Variants in MSRB3 observed in about 807,000 individuals in gnomAD.
MSRB3 encodes methionine sulfoxide reductase B3.
Under a neutral mutation model 21.0 loss-of-function variants are expected in MSRB3, and 13 were observed. The observed-to-expected ratio is 0.62, with a 90% CI of 0.40 to 0.98. The LOEUF is 0.98. Among genes scored for constraint, MSRB3 ranks in the 50% least tolerant of loss-of-function variants. MSRB3 has a pLI of 0.00. For missense variants in MSRB3, 199 were observed against 230.3 expected (o/e 0.86, Z 0.88); for synonymous variants, 87 against 88.6 (o/e 0.98, Z 0.10).
intron 5 of MSRB3, among the ~76,000 whole-genome samples, chr12:65,374,933 T>C (rs1437835048): frequency 6.6e-6 from 1 of 151,852 alleles, no homozygotes; most frequent in Non-Finnish European, 1.5e-5. Flanking sequence ...CAATGCAAGC[T>C]CCGCCTCCCA....
chr12:65,431,784 C>T (rs1039816746), intron 5 of MSRB3, among the ~76,000 whole-genome samples: 2 of 152,026 alleles, frequency 1.3e-5, no homozygotes, highest in Non-Finnish European at 2.9e-5. Flanking sequence ...TCTGCATGCA[C>T]AAGTCTTTGT....
chr12:65,359,348 G>A (rs1458553753), intron 4 of MSRB3, among the ~76,000 whole-genome samples: 1 of 151,978 alleles, frequency 6.6e-6, no homozygotes, highest in Admixed American at 6.6e-5. Context: ...CAGTAATTGT[G>A]TCTAGAACTA....
At chr12:65,336,608 G>C (rs750118925) in intron 4 of MSRB3, among the ~76,000 whole-genome samples, 6 of 152,162 alleles carry the variant, frequency 3.9e-5, no homozygotes, top group Non-Finnish European at 8.8e-5. Context: ...AAACATAATA[G>C]GGAAAACTTT....
chr12:65,325,698 G>A lies in MSRB3; in HGVS notation c.77-1128G>A, dbSNP rs140917442. Among the ~76,000 whole-genome samples, 291 of 152,268 alleles carry A rather than the reference G, an allele frequency of 1.9e-3. 1 individual carries two copies. The highest frequency in any genetic ancestry group is 6.5e-3 in the African/African-American group (270 of 41,542). Reference sequence around the variant, plus strand: ...TATATTTCAAAAGAAGTTGCGTTTAGTATTTGGGAAACTAAGCAAGCTTTC... The same window carrying A: ...TATATTTCAAAAGAAGTTGCGTTTAATATTTGGGAAACTAAGCAAGCTTTC... On this transcript the variant is annotated intron_variant, in intron 2 of 6. Transcript: ENST00000308259.
At chr12:65,327,627 T>A (rs1875137471) in intron 3 of MSRB3, among the ~76,000 whole-genome samples, 1 of 152,238 alleles carries the variant, frequency 6.6e-6, no homozygotes, top group South Asian at 2.1e-4. Flanking sequence ...GAGCTTGGCG[T>A]AAGACCGTAG....
At chr12:65,287,554 G>A (rs757452680) in intron 1 of MSRB3, among the ~76,000 whole-genome samples, 59 of 152,166 alleles carry the variant, frequency 3.9e-4, no homozygotes, top group Non-Finnish European at 1.3e-4. Flanking sequence ...TGTAGCTAAG[G>A]AAAGGTAAGG....
intron 4 of MSRB3, among the ~76,000 whole-genome samples, chr12:65,355,900 C>G (rs2136506842): frequency 6.6e-6 from 1 of 152,048 alleles, no homozygotes; most frequent in South Asian, 2.1e-4. Context: ...GGATCTTAAA[C>G]TATAAAGGGC....
At chr12:65,383,330 A>G (rs1879041382) in intron 5 of MSRB3, among the ~76,000 whole-genome samples, 1 of 152,158 alleles carries the variant, frequency 6.6e-6, no homozygotes, top group Admixed American at 6.5e-5. Context: ...GTAGAAATAT[A>G]CTAATGGTAG....
chr12:65,298,941 T>C lies in MSRB3; in HGVS notation c.-51-9588T>C, dbSNP rs1873148326. ...GATTTAGTCAGCTTGCATTACCAGG[T>C]TTTTTCTTTAGATAAAATGGCCCAT... On this transcript the variant is annotated intron_variant, in intron 1 of 6. Transcript: ENST00000308259. Among the ~76,000 whole-genome samples, 2 of 152,288 alleles carry C rather than the reference T, an allele frequency of 1.3e-5. 1 individual carries two copies.
chr12:65,356,725 A>G (rs377199119), intron 4 of MSRB3, among the ~76,000 whole-genome samples: 1 of 152,044 alleles, frequency 6.6e-6, no homozygotes, highest in East Asian at 1.9e-4. Context: ...AGAGAACTTA[A>G]AAGTATAGAT....
chr12:65,322,912 A>AATTTTAGT (rs1368310037), intron 2 of MSRB3, among the ~76,000 whole-genome samples: 1 of 152,108 alleles, frequency 6.6e-6, no homozygotes, highest in East Asian at 1.9e-4. Context: ...GGAGGACTCA[A>AATTTTAGT]ATTTTAGTTT....
intron 5 of MSRB3, among the ~76,000 whole-genome samples, chr12:65,451,286 TC>T (rs1882848129): frequency 6.6e-6 from 1 of 152,162 alleles, no homozygotes; most frequent in South Asian, 2.1e-4. Flanking sequence ...TTTGACTGTC[TC>T]TTCTAATGTT....
intron 5 of MSRB3, among the ~76,000 whole-genome samples, chr12:65,382,986 T>G (rs536668498): frequency 3.9e-5 from 6 of 152,240 alleles, no homozygotes; most frequent in Admixed American, 2.0e-4. Flanking sequence ...AAAGTTTTCT[T>G]TGCAAAATTA....
At chr12:65,374,047 A>C (rs1021473577) in intron 5 of MSRB3, among the ~76,000 whole-genome samples, 4 of 152,224 alleles carry the variant, frequency 2.6e-5, no homozygotes, top group African/African-American at 9.6e-5. Flanking sequence ...GCTTATTAAC[A>C]AATGAGAGAA....
At chr12:65,322,088 C>T (rs944929662) in intron 2 of MSRB3, among the ~76,000 whole-genome samples, 20 of 152,048 alleles carry the variant, frequency 1.3e-4, no homozygotes, top group African/African-American at 4.8e-4. Flanking sequence ...GTTTAGGTAA[C>T]AGATCTAATT....
In MSRB3 at chr12:65,283,126, A is replaced by G. The variant is rs186019296; in HGVS notation, c.-52+4261A>G. Reference sequence around the variant, plus strand: ...AACAGTAATAGCTTAGGGACTGAGAATTTATCAGTTGTTTTCCTATTTCTC... The same window carrying G: ...AACAGTAATAGCTTAGGGACTGAGAGTTTATCAGTTGTTTTCCTATTTCTC... On this transcript the variant is annotated intron_variant, in intron 1 of 6. Transcript: ENST00000308259. 8.5e-5 allele frequency among the ~76,000 whole-genome samples: 13 copies of G among 152,282 alleles called. No individual in the cohort carries two copies. In the East Asian group the frequency reaches 1.7e-3, roughly 20 times the overall value.
Position 65,280,615 on chromosome 12 carries a change from A to G in MSRB3, c.-52+1750A>G, listed in dbSNP as rs940040486. Among the ~76,000 whole-genome samples the G allele has an allele frequency of 1.4e-4, 21 of 152,206 alleles. 1 individual carries two copies. Among genetic ancestry groups the G allele is most frequent in the African/African-American group, 4.6e-4 (19 of 41,520 alleles). ...AGCTGATATATCAGTCTAATTTCTG[A>G]TGACTTTTATTAGGGCCCTATATGA... On this transcript the variant is annotated intron_variant, in intron 1 of 6. Coordinates refer to ENST00000308259, the MANE Select transcript of MSRB3 (RefSeq NM_001031679.3).
At chr12:65,284,519 C>T (rs894977592) in intron 1 of MSRB3, 6 of 152,196 alleles carry the variant, frequency 3.9e-5, no homozygotes, top group Admixed American at 6.5e-5. Context: ...AAGTTTTGTT[C>T]TAGATCTCTT....
intron 4 of MSRB3, among the ~76,000 whole-genome samples, chr12:65,335,301 C>G (rs983620853): frequency 5.9e-5 from 9 of 152,180 alleles, no homozygotes; most frequent in Non-Finnish European, 8.8e-5. Context: ...TAGACAGGGT[C>G]TGTCTGTTAA....
Sources: allele counts gnomAD v4.1 joint callset (sites outside exome capture counted in the v4.1 genomes callset), GRCh38; gene constraint gnomAD v4.1.1; transcripts MANE v1.5; gene names NCBI Gene and HGNC (gene_info 2026-07-23, HGNC 2026-07-21).